LCORL: variants seen among roughly 807,000 people sequenced by gnomAD.
LCORL encodes ligand-dependent nuclear receptor corepressor-like protein.
Under a neutral mutation model 141.8 loss-of-function variants are expected in LCORL, and 41 were observed. The ratio of observed to expected loss-of-function variants is 0.29; its 90% CI spans 0.23 to 0.38. LCORL has a LOEUF of 0.38. Among genes scored for constraint, LCORL ranks in the 10% least tolerant of loss-of-function variants. The pLI is 1.00. For missense variants in LCORL, 1,759 were observed against 2,035.0 expected (o/e 0.86, Z 2.61); for synonymous variants, 618 against 694.1 (o/e 0.89, Z 1.72).
intron 7 of LCORL, among the ~76,000 whole-genome samples, chr4:17,858,729 A>AAAT (rs567498935): frequency 0.052 from 7,817 of 149,108 alleles, 237 homozygotes; most frequent in Non-Finnish European, 0.062. Context: ...ACTCCATCTC[A>AAAT]AATAATAATA....
At chr4:17,966,249 T>C (rs1421357434) in intron 2 of LCORL, among the ~76,000 whole-genome samples, 1 of 151,824 alleles carries the variant, frequency 6.6e-6, no homozygotes, top group Non-Finnish European at 1.5e-5. Flanking sequence ...AAAATAAACC[T>C]CCAGACAAAT....
intron 4 of LCORL, among the ~76,000 whole-genome samples, chr4:17,942,804 A>C (rs1738185245): frequency 6.6e-6 from 1 of 152,180 alleles, no homozygotes; most frequent in Non-Finnish European, 1.5e-5. Flanking sequence ...ACAGACTGGT[A>C]CCAGTCCATG....
chr4:17,898,317 T>C (rs1244022976), intron 5 of LCORL, among the ~76,000 whole-genome samples: 1 of 152,212 alleles, frequency 6.6e-6, no homozygotes, highest in African/African-American at 2.4e-5. Context: ...ACTAACATTA[T>C]GTTACTAATT....
chr4:17,939,304 T>C (rs1737426479), intron 4 of LCORL, among the ~76,000 whole-genome samples: 1 of 152,232 alleles, frequency 6.6e-6, no homozygotes, highest in African/African-American at 2.4e-5. Context: ...GGAGCAACTG[T>C]AATTCTTACA....
At chr4:17,947,860 T>C (rs2109518171) in intron 4 of LCORL, among the ~76,000 whole-genome samples, 1 of 152,092 alleles carries the variant, frequency 6.6e-6, no homozygotes. Flanking sequence ...ATTTTGCATA[T>C]ACAATGTGTT....
At chr4:17,882,738 G>GT (rs1164375989) in intron 6 of LCORL, 1 of 983,688 alleles carries the variant, frequency 1.0e-6, no homozygotes, top group East Asian at 1.1e-4. Context: ...TTACACTGAG[G>GT]TTTTTCAATA....
intron 4 of LCORL, among the ~76,000 whole-genome samples, chr4:17,945,836 T>C (rs1560384606): frequency 6.6e-6 from 1 of 151,888 alleles, no homozygotes; most frequent in Non-Finnish European, 1.5e-5. Flanking sequence ...GGCAAAATAA[T>C]TGTCACAGTA....
intron 4 of LCORL, among the ~76,000 whole-genome samples, chr4:17,961,666 T>A (rs1446311941): frequency 2.0e-5 from 3 of 151,914 alleles, no homozygotes; most frequent in Non-Finnish European, 2.9e-5. Flanking sequence ...GGAAAATGTG[T>A]GATAAAGTCA....
chr4:17,865,515 G>A (rs1317547245), intron 7 of LCORL, among the ~76,000 whole-genome samples: 1 of 151,736 alleles, frequency 6.6e-6, no homozygotes, highest in Admixed American at 6.6e-5. Flanking sequence ...AATAATCCAT[G>A]GGCTAAAGAA....
intron 5 of LCORL, among the ~76,000 whole-genome samples, chr4:17,887,364 G>A (rs1455320132): frequency 6.6e-6 from 1 of 152,040 alleles, no homozygotes; most frequent in Non-Finnish European, 1.5e-5. Context: ...ATAACACAGA[G>A]TAAGCTGATA....
chr4:17,901,474 TAAG>T (rs1041870339), intron 5 of LCORL, among the ~76,000 whole-genome samples: 33 of 151,494 alleles, frequency 2.2e-4, no homozygotes, highest in African/African-American at 6.8e-4. Context: ...ATGTGAAATA[TAAG>T]AAGAAATGAT....
intron 1 of LCORL, among the ~76,000 whole-genome samples, chr4:18,010,398 C>CTG (rs746629992): frequency 1.8e-3 from 266 of 150,192 alleles, no homozygotes; most frequent in African/African-American, 5.1e-3. Flanking sequence ...GTGTGTGTGT[C>CTG]TGTGTGTGTG....
At chr4:17,865,847 T>A (rs1257241826) in intron 7 of LCORL, among the ~76,000 whole-genome samples, 2 of 152,150 alleles carry the variant, frequency 1.3e-5, no homozygotes, top group Non-Finnish European at 2.9e-5. Flanking sequence ...AGTTTGTGAA[T>A]CACAATGGTC....
At chr4:17,970,196 T>C (rs931935569) in intron 2 of LCORL, among the ~76,000 whole-genome samples, 3 of 152,160 alleles carry the variant, frequency 2.0e-5, no homozygotes, top group African/African-American at 7.2e-5. Context: ...ACTGACCAGA[T>C]AGAAGATCCA....
At chr4:17,864,792 A>T (rs1380924433) in intron 7 of LCORL, among the ~76,000 whole-genome samples, 1 of 152,232 alleles carries the variant, frequency 6.6e-6, no homozygotes, top group Non-Finnish European at 1.5e-5. Context: ...TAAAAATAAA[A>T]GTATTGTGAA....
At chr4:17,871,699 A>G (rs910358438) in intron 7 of LCORL, among the ~76,000 whole-genome samples, 2 of 151,850 alleles carry the variant, frequency 1.3e-5, no homozygotes, top group African/African-American at 4.8e-5. Context: ...TTATGTGTGT[A>G]TATTTTCAGA....
chr4:17,961,061 C>T (rs7677194), intron 4 of LCORL, among the ~76,000 whole-genome samples: 19,271 of 152,002 alleles, frequency 0.13, 1,357 homozygotes, highest in South Asian at 0.26. Context: ...AGAAAAATAT[C>T]TAGTGATATC....
chr4:17,880,947 C>T, intron 6 of LCORL: 1 of 978,462 alleles, frequency 1.0e-6, no homozygotes, highest in Non-Finnish European at 1.2e-6. Flanking sequence ...TCAAGGCAGC[C>T]ACAGAGTTTT....
chr4:17,948,297 G>A (rs1200541906), intron 4 of LCORL, among the ~76,000 whole-genome samples: 1 of 151,852 alleles, frequency 6.6e-6, no homozygotes, highest in Non-Finnish European at 1.5e-5. Flanking sequence ...AAGGAATCTG[G>A]GCCACAGAGT....
Sources: allele counts gnomAD v4.1 joint callset (sites outside exome capture counted in the v4.1 genomes callset), GRCh38; gene constraint gnomAD v4.1.1; transcripts MANE v1.5; gene names NCBI Gene and HGNC (gene_info 2026-07-23, HGNC 2026-07-21).